The following GNG4 variants were observed in gnomAD, a reference collection of about 807,000 sequenced individuals.
GNG4 encodes the protein guanine nucleotide-binding protein G(I)/G(S)/G(O) subunit gamma-4.
Under a neutral mutation model 5.8 loss-of-function variants are expected in GNG4, and 4 were observed. That is an observed-to-expected ratio of 0.69 (90% CI 0.34 to 1.57). GNG4 has a LOEUF of 1.57. Among genes scored for constraint, GNG4 ranks in the 40% most tolerant of loss-of-function variants. GNG4 has a pLI of 0.06. For synonymous variants in GNG4, 29 were observed against 32.9 expected (o/e 0.88, Z 0.41); for missense variants, 96 against 95.1 (o/e 1.01, Z -0.04).
At chr1:235,587,549 T>G (rs1390901450) in intron 2 of GNG4, among the ~76,000 whole-genome samples, 4 of 782 alleles carry the variant, frequency 5.1e-3, no homozygotes, top group East Asian at 0.025. Flanking sequence ...GGGTGTGGGT[T>G]GGGGTTGTGA....
chr1:235,637,490 G>A (rs1175768884), intron 1 of GNG4, among the ~76,000 whole-genome samples: 2 of 151,198 alleles, frequency 1.3e-5, no homozygotes, highest in South Asian at 2.1e-4. Context: ...CCTTCTCTAC[G>A]AAAAATACAA....
At chr1:235,647,859 C>T (rs1182629722) in intron 1 of GNG4, among the ~76,000 whole-genome samples, 1 of 152,186 alleles carries the variant, frequency 6.6e-6, no homozygotes, top group African/African-American at 2.4e-5. Flanking sequence ...CGGTATCGGA[C>T]TCCTGACCTC....
chr1:235,576,004 C>T (rs548097323), intron 3 of GNG4, among the ~76,000 whole-genome samples: 1 of 152,166 alleles, frequency 6.6e-6, no homozygotes, highest in African/African-American at 2.4e-5. Context: ...TCAGCTCAGA[C>T]CTGCCATAAC....
At chr1:235,596,513 A>G (rs1184587819) in intron 1 of GNG4, among the ~76,000 whole-genome samples, 1 of 152,226 alleles carries the variant, frequency 6.6e-6, no homozygotes, top group East Asian at 1.9e-4. Context: ...ACAAGAGCAA[A>G]AAACAAAACA....
intron 1 of GNG4, among the ~76,000 whole-genome samples, chr1:235,632,014 T>C (rs1336171742): frequency 2.0e-5 from 3 of 152,222 alleles, no homozygotes; most frequent in Admixed American, 2.0e-4. Context: ...AGCAGAGGGC[T>C]GTGTGCGGAG....
At chr1:235,638,486 T>C (rs35458456) in intron 1 of GNG4, among the ~76,000 whole-genome samples, 78,015 of 150,322 alleles carry the variant, frequency 0.52, 22,514 homozygotes, top group East Asian at 0.85. Flanking sequence ...TCCTGCATTT[T>C]TTTTTTTTTT....
At chr1:235,600,475 T>C (rs1166065637) in intron 1 of GNG4, among the ~76,000 whole-genome samples, 1 of 151,758 alleles carries the variant, frequency 6.6e-6, no homozygotes, top group East Asian at 1.9e-4. Flanking sequence ...GGTCTTGCTC[T>C]GTCACCCAGG....
intron 1 of GNG4, among the ~76,000 whole-genome samples, chr1:235,635,525 T>C (rs149296836): frequency 0.014 from 549 of 38,176 alleles, 2 homozygotes; most frequent in African/African-American, 0.066. Flanking sequence ...TCCTGATGTA[T>C]GGAGGTGGGG....
At chr1:235,617,817 G>A (rs543327876) in intron 1 of GNG4, among the ~76,000 whole-genome samples, 18 of 151,730 alleles carry the variant, frequency 1.2e-4, no homozygotes, top group South Asian at 2.1e-4. Flanking sequence ...TCTGTGAGGC[G>A]GAGGTTGCAG....
chr1:235,595,077 GCA>G (rs1688093103), intron 2 of GNG4, among the ~76,000 whole-genome samples: 1 of 152,110 alleles, frequency 6.6e-6, no homozygotes, highest in Non-Finnish European at 1.5e-5. Context: ...CCACAGGGAA[GCA>G]CACAGCACGG....
chr1:235,623,798 C>G (rs920201999), intron 1 of GNG4, among the ~76,000 whole-genome samples: 1 of 152,176 alleles, frequency 6.6e-6, no homozygotes, highest in African/African-American at 2.4e-5. Flanking sequence ...CCCCAGCAAC[C>G]AGCAGCTGGG....
At chr1:235,586,317 CTGTA>C (rs1381607552) in intron 2 of GNG4, among the ~76,000 whole-genome samples, 1 of 140,716 alleles carries the variant, frequency 7.1e-6, no homozygotes, top group Non-Finnish European at 1.5e-5. Context: ...TTGGGTGTGT[CTGTA>C]TGTGCCCACG....
intron 1 of GNG4, among the ~76,000 whole-genome samples, chr1:235,617,909 G>GA (rs921975056): frequency 1.0e-4 from 14 of 137,362 alleles, no homozygotes; most frequent in Non-Finnish European, 2.3e-4. Context: ...AAAAAAAAAA[G>GA]AAAGAAAAGA....
intron 1 of GNG4, among the ~76,000 whole-genome samples, chr1:235,608,780 T>C (rs925303813): frequency 6.6e-6 from 1 of 151,724 alleles, no homozygotes; most frequent in Non-Finnish European, 1.5e-5. Flanking sequence ...GCCTCCCGAG[T>C]TGAAGTAATC....
chr1:235,565,965 G>A (rs1303831383), intron 3 of GNG4: 1 of 152,196 alleles, frequency 6.6e-6, no homozygotes, highest in East Asian at 1.9e-4. Flanking sequence ...TAAGAAAGTT[G>A]TCTGATACCC....
In GNG4 at chr1:235,583,765, A is replaced by G; in HGVS notation, c.74T>C (p.Met25Thr). The change falls in exon 3 of 4, where the codon ATG becomes ACG. Residue 25 changes from methionine to threonine, a missense_variant. By Grantham distance (81) the Met-to-Thr change is moderately conservative. Coordinates refer to ENST00000391854, the MANE Select transcript of GNG4 (RefSeq NM_001098722.2). ...CTTGACCCTGTCCATACAGGCTTCC[A>G]TCTTTAGCTGCTCCACAGCTTTCCT... ...QARKAVEQLKMEACMDRVKVS... is the reference protein window; with the variant it reads ...QARKAVEQLKTEACMDRVKVS... The G allele has an allele frequency of 1.2e-6, 2 of 1,613,320 alleles. No individual in the cohort carries two copies. Among genetic ancestry groups the G allele is most frequent in the Non-Finnish European group, 1.7e-6 (2 of 1,179,284 alleles).
intron 3 of GNG4, among the ~76,000 whole-genome samples, chr1:235,562,895 C>T (rs1223751310): frequency 6.6e-6 from 1 of 151,878 alleles, no homozygotes; most frequent in Non-Finnish European, 1.5e-5. Context: ...TATTTTTGCC[C>T]ATCTTTTTAC....
intron 1 of GNG4, among the ~76,000 whole-genome samples, chr1:235,626,197 C>T (rs1339443940): frequency 6.6e-6 from 1 of 152,220 alleles, no homozygotes; most frequent in East Asian, 1.9e-4. Flanking sequence ...TTGAGCTTCT[C>T]TTCAAATGCC....
At chr1:235,594,465 G>A (rs990416811) in intron 2 of GNG4, among the ~76,000 whole-genome samples, 10 of 152,212 alleles carry the variant, frequency 6.6e-5, no homozygotes, top group African/African-American at 2.4e-4. Context: ...CCATGGGACT[G>A]GGTGCCATGG....
Sources: allele counts gnomAD v4.1 joint callset (sites outside exome capture counted in the v4.1 genomes callset), GRCh38; gene constraint gnomAD v4.1.1; transcripts MANE v1.5; gene names NCBI Gene and HGNC (gene_info 2026-07-23, HGNC 2026-07-21).